The following SAMD12 variants were observed in gnomAD, a reference collection of about 807,000 sequenced individuals.
SAMD12 encodes sterile alpha motif domain containing 12.
SAMD12 carries 9 observed loss-of-function variants against 15.0 expected under a neutral mutation model. That is an observed-to-expected ratio of 0.60 (90% CI 0.36 to 1.05). SAMD12 has a LOEUF of 1.05. Among genes scored for constraint, SAMD12 ranks in the 50% least tolerant of loss-of-function variants. The probability of loss-of-function intolerance (pLI) is 0.01; values close to 1 mark genes in which losing one functional copy is unlikely to be tolerated. For synonymous variants in SAMD12, 86 were observed against 90.1 expected (o/e 0.96, Z 0.25); for missense variants, 230 against 234.2 (o/e 0.98, Z 0.12).
chr8:118,487,052 G>T (rs545491206), intron 2 of SAMD12, among the ~76,000 whole-genome samples: 3 of 152,256 alleles, frequency 2.0e-5, no homozygotes, highest in African/African-American at 7.2e-5. Flanking sequence ...GGGTGACATG[G>T]TCTTACCAGG....
chr8:118,333,954 TGGC>T (rs1335505997), intron 4 of SAMD12, among the ~76,000 whole-genome samples: 2 of 74,460 alleles, frequency 2.7e-5, no homozygotes, highest in African/African-American at 5.7e-5. Flanking sequence ...GTGTGCACAT[TGGC>T]GGGGGGCAGG....
chr8:118,318,006 T>C (rs1294970995), intron 4 of SAMD12, among the ~76,000 whole-genome samples: 2 of 152,090 alleles, frequency 1.3e-5, no homozygotes, highest in East Asian at 3.9e-4. Context: ...AGATACTACC[T>C]TGCTCCTATA....
intron 4 of SAMD12, among the ~76,000 whole-genome samples, chr8:118,349,690 G>A (rs756734350): frequency 4.6e-4 from 70 of 152,212 alleles, no homozygotes; most frequent in Admixed American, 9.2e-4. Context: ...AAGAGCCTTT[G>A]TTTATAGATC....
At chr8:118,594,190 G>A (rs1023819693) in intron 1 of SAMD12, among the ~76,000 whole-genome samples, 10 of 151,650 alleles carry the variant, frequency 6.6e-5, no homozygotes, top group African/African-American at 2.4e-4. Context: ...TCCTAAAGAG[G>A]AGATAAATAT....
chr8:118,522,520 A>G (rs1479072341), intron 2 of SAMD12, among the ~76,000 whole-genome samples: 2 of 152,298 alleles, frequency 1.3e-5, no homozygotes, highest in East Asian at 1.9e-4. Flanking sequence ...GGAGTTTTCA[A>G]AGAAAAACAG....
chr8:118,534,910 A>C (rs1181372251), intron 2 of SAMD12, among the ~76,000 whole-genome samples: 1 of 151,550 alleles, frequency 6.6e-6, no homozygotes, highest in Non-Finnish European at 1.5e-5. Flanking sequence ...AGCTTGGAGA[A>C]GTTTGTTTTT....
intron 2 of SAMD12, among the ~76,000 whole-genome samples, chr8:118,574,051 A>C (rs182982900): frequency 3.9e-5 from 6 of 152,320 alleles, no homozygotes; most frequent in African/African-American, 7.2e-5. Flanking sequence ...CTAGGGATTC[A>C]TTTAGTTAGG....
chr8:118,373,340 T>A (rs1363658149), downstream of SAMD12, among the ~76,000 whole-genome samples: 2 of 152,118 alleles, frequency 1.3e-5, no homozygotes, highest in Admixed American at 1.3e-4. Flanking sequence ...ACAAGTCTAT[T>A]GCTCCATTCT....
the SAMD12 span, among the ~76,000 whole-genome samples, chr8:118,144,638 G>A: frequency 6.6e-6 from 1 of 151,868 alleles, no homozygotes; most frequent in Non-Finnish European, 1.5e-5. Flanking sequence ...AAAAAGGGGA[G>A]GGGAAAGAAA....
At chr8:118,557,712 A>G (rs1180810864) in intron 2 of SAMD12, among the ~76,000 whole-genome samples, 1 of 152,196 alleles carries the variant, frequency 6.6e-6, no homozygotes, top group East Asian at 1.9e-4. Context: ...TCTTTTAAAA[A>G]CAGAAACAAA....
At chr8:118,526,988 T>A (rs1324509164) in intron 2 of SAMD12, among the ~76,000 whole-genome samples, 2 of 152,230 alleles carry the variant, frequency 1.3e-5, no homozygotes, top group Non-Finnish European at 2.9e-5. Context: ...TCTTTCAGAA[T>A]GCATCCTTCA....
At chr8:118,355,033 A>G (rs1286642402) in intron 4 of SAMD12, among the ~76,000 whole-genome samples, 1 of 152,254 alleles carries the variant, frequency 6.6e-6, no homozygotes, top group Admixed American at 6.5e-5. Context: ...CAATCCCACT[A>G]CTGAGTATCT....
intron 2 of SAMD12, among the ~76,000 whole-genome samples, chr8:118,451,544 A>ATT (rs1464630120): frequency 0.042 from 6,375 of 152,326 alleles, 334 homozygotes; most frequent in African/African-American, 0.12. Context: ...AAGTGTTGTG[A>ATT]AGATCAAATC....
At chr8:118,462,558 A>G (rs988803225) in intron 2 of SAMD12, among the ~76,000 whole-genome samples, 1 of 152,118 alleles carries the variant, frequency 6.6e-6, no homozygotes, top group Non-Finnish European at 1.5e-5. Context: ...CTGTTCATAT[A>G]TCCATCCATC....
intron 4 of SAMD12, among the ~76,000 whole-genome samples, chr8:118,203,778 G>A (rs1467663100): frequency 7.4e-6 from 1 of 135,388 alleles, no homozygotes; most frequent in East Asian, 2.2e-4. Context: ...TCCCCTTCCT[G>A]TGTCCAAGTG....
At chr8:118,508,163 T>C (rs112525789) in intron 2 of SAMD12, among the ~76,000 whole-genome samples, 3,564 of 150,178 alleles carry the variant, frequency 0.024, 118 homozygotes, top group African/African-American at 0.077. Flanking sequence ...CGGGCTCCCT[T>C]TTCTTAAAGG....
At chr8:118,362,171 A>G (rs1818534168) in intron 4 of SAMD12, among the ~76,000 whole-genome samples, 1 of 152,146 alleles carries the variant, frequency 6.6e-6, no homozygotes, top group Non-Finnish European at 1.5e-5. Flanking sequence ...GGGAAGCACA[A>G]AAGGTAGTGC....
intron 4 of SAMD12, among the ~76,000 whole-genome samples, chr8:118,347,985 C>T (rs922926397): frequency 6.6e-6 from 1 of 152,194 alleles, no homozygotes; most frequent in Non-Finnish European, 1.5e-5. Context: ...TAGCAAGCTC[C>T]TTAACCTTAG....
At chr8:118,254,640 G>C (rs767285169) in intron 4 of SAMD12, among the ~76,000 whole-genome samples, 23 of 151,900 alleles carry the variant, frequency 1.5e-4, no homozygotes, top group Non-Finnish European at 3.1e-4. Context: ...AGTCATGAGA[G>C]TCCCTCTGCT....
Sources: gnomAD v4.1 joint callset for allele counts (sites outside exome capture counted in the v4.1 genomes callset) on GRCh38, gnomAD v4.1.1 for gene constraint, MANE v1.5 for transcripts, NCBI Gene and HGNC (gene_info 2026-07-23, HGNC 2026-07-21) for gene names.